CNTN4: variants seen among roughly 807,000 people sequenced by gnomAD.
CNTN4 encodes contactin-4.
In CNTN4, 77 loss-of-function variants were observed where a neutral mutation model predicts 122.5. The observed-to-expected ratio is 0.63, with a 90% CI of 0.52 to 0.76. The LOEUF (loss-of-function observed/expected upper bound fraction) is 0.76. CNTN4 is among the 30% of genes least tolerant of loss of function. CNTN4 has a pLI of 0.00. For missense variants in CNTN4, 1,256 were observed against 1,259.1 expected (o/e 1.00, Z 0.04); for synonymous variants, 512 against 447.0 (o/e 1.15, Z -1.83).
At chr3:2,600,456 T>G (rs529826679) in intron 4 of CNTN4, among the ~76,000 whole-genome samples, 1 of 152,252 alleles carries the variant, frequency 6.6e-6, no homozygotes, top group South Asian at 2.1e-4. Flanking sequence ...CGGTGTTTGG[T>G]TTTCTGTCCT....
At chr3:2,443,922 G>A (rs978260564) in intron 3 of CNTN4, among the ~76,000 whole-genome samples, 1 of 152,106 alleles carries the variant, frequency 6.6e-6, no homozygotes, top group Non-Finnish European at 1.5e-5. Flanking sequence ...TGTGGGCTAG[G>A]AAGGACCAAA....
At chr3:2,175,461 C>T (rs1172335263) in intron 2 of CNTN4, among the ~76,000 whole-genome samples, 1 of 152,112 alleles carries the variant, frequency 6.6e-6, no homozygotes, top group Non-Finnish European at 1.5e-5. Flanking sequence ...TTTCAAATGA[C>T]CTAACACTGT....
At chr3:2,810,239 C>T (rs988191219) in intron 6 of CNTN4, among the ~76,000 whole-genome samples, 23 of 152,128 alleles carry the variant, frequency 1.5e-4, no homozygotes, top group African/African-American at 5.1e-4. Flanking sequence ...TGGTGAAGAC[C>T]GAATGAATAA....
intron 2 of CNTN4, among the ~76,000 whole-genome samples, chr3:2,183,714 A>T (rs760862669): frequency 6.6e-6 from 1 of 152,118 alleles, no homozygotes. Context: ...TGATATCTGG[A>T]CTGTATATAA....
intron 2 of CNTN4, among the ~76,000 whole-genome samples, chr3:2,272,466 C>T (rs1418424107): frequency 1.3e-5 from 2 of 152,158 alleles, no homozygotes; most frequent in African/African-American, 4.8e-5. Context: ...AGAGATACAG[C>T]AATCACTTAC....
intron 6 of CNTN4, among the ~76,000 whole-genome samples, chr3:2,772,087 A>C (rs2149779835): frequency 6.6e-6 from 1 of 152,090 alleles, no homozygotes; most frequent in South Asian, 2.1e-4. Flanking sequence ...ATGATGGAGG[A>C]CCTTGTTTGA....
At chr3:2,323,474 T>G (rs1312625781) in intron 2 of CNTN4, among the ~76,000 whole-genome samples, 1 of 152,304 alleles carries the variant, frequency 6.6e-6, no homozygotes, top group South Asian at 2.1e-4. Flanking sequence ...TTTACAGACT[T>G]TTAGAAGTAT....
intron 3 of CNTN4, among the ~76,000 whole-genome samples, chr3:2,448,689 C>T (rs1006795156): frequency 2.6e-5 from 4 of 152,136 alleles, no homozygotes; most frequent in African/African-American, 4.8e-5. Flanking sequence ...CAGCTGTATC[C>T]GTTATCCATT....
At chr3:3,008,496 G>A (rs917289716) in intron 14 of CNTN4, among the ~76,000 whole-genome samples, 4 of 152,228 alleles carry the variant, frequency 2.6e-5, no homozygotes, top group Non-Finnish European at 4.4e-5. Flanking sequence ...ATGGGGAAGA[G>A]TAAAATATGT....
chr3:2,346,456 T>G (rs2044400156), intron 3 of CNTN4, among the ~76,000 whole-genome samples: 1 of 152,154 alleles, frequency 6.6e-6, no homozygotes, highest in Non-Finnish European at 1.5e-5. Flanking sequence ...TTATTTCTTA[T>G]CATTGCTTCC....
intron 3 of CNTN4, among the ~76,000 whole-genome samples, chr3:2,438,529 C>A (rs2048330011): frequency 1.3e-5 from 2 of 151,254 alleles, no homozygotes; most frequent in Admixed American, 6.6e-5. Flanking sequence ...CTCAAAACAA[C>A]CCCCCCAAAA....
At chr3:2,345,976 G>C (rs543098068) in intron 3 of CNTN4, among the ~76,000 whole-genome samples, 1 of 152,096 alleles carries the variant, frequency 6.6e-6, no homozygotes, top group African/African-American at 2.4e-5. Flanking sequence ...TTTATGTTTA[G>C]TTTAGGTGTA....
intron 6 of CNTN4, among the ~76,000 whole-genome samples, chr3:2,760,090 A>G (rs930044956): frequency 2.0e-5 from 3 of 152,198 alleles, no homozygotes; most frequent in African/African-American, 7.2e-5. Flanking sequence ...CGCCTTGTCA[A>G]ATATACGATT....
chr3:2,947,395 TG>T (rs1190175640), intron 13 of CNTN4, among the ~76,000 whole-genome samples: 2 of 152,212 alleles, frequency 1.3e-5, no homozygotes, highest in Non-Finnish European at 2.9e-5. Context: ...CAATAGTGCT[TG>T]TACATCTAGA....
chr3:2,608,825 T>A (rs2081364256), intron 4 of CNTN4, among the ~76,000 whole-genome samples: 1 of 152,216 alleles, frequency 6.6e-6, no homozygotes, highest in African/African-American at 2.4e-5. Flanking sequence ...TTGAGAGTAA[T>A]GAATAGAAAA....
chr3:2,423,429 C>T (rs977519900), intron 3 of CNTN4, among the ~76,000 whole-genome samples: 6 of 150,836 alleles, frequency 4.0e-5, no homozygotes, highest in African/African-American at 1.5e-4. Flanking sequence ...ACACACTTCT[C>T]GATGCTGCAA....
chr3:2,353,487 C>T (rs190335796), intron 3 of CNTN4, among the ~76,000 whole-genome samples: 2 of 152,258 alleles, frequency 1.3e-5, no homozygotes, highest in Admixed American at 1.3e-4. Flanking sequence ...TTTGGGTCTG[C>T]ACTGCCCTTA....
At chr3:3,048,945 G>A (rs1459061645) in intron 23 of CNTN4, among the ~76,000 whole-genome samples, 1 of 152,188 alleles carries the variant, frequency 6.6e-6, no homozygotes, top group Non-Finnish European at 1.5e-5. Context: ...GCTAAAAGGA[G>A]AGCATCTGGT....
At chr3:2,214,913 G>A (rs886271940) in intron 2 of CNTN4, among the ~76,000 whole-genome samples, 9 of 152,104 alleles carry the variant, frequency 5.9e-5, no homozygotes, top group East Asian at 3.8e-4. Context: ...ATACTCTTTC[G>A]GGATTTTAAT....
Sources: allele counts gnomAD v4.1 joint callset (sites outside exome capture counted in the v4.1 genomes callset), GRCh38; gene constraint gnomAD v4.1.1; transcripts MANE v1.5; gene names NCBI Gene and HGNC (gene_info 2026-07-23, HGNC 2026-07-21).